DGKB: variants seen among roughly 807,000 people sequenced by gnomAD.
The protein encoded by DGKB is 90 kDa diacylglycerol kinase.
Under a neutral mutation model 114.3 loss-of-function variants are expected in DGKB, and 67 were observed. The observed-to-expected ratio is 0.59, with a 90% confidence interval of 0.48 to 0.72. The LOEUF (loss-of-function observed/expected upper bound fraction) is 0.72, where lower values mean the gene tolerates loss of function less well. DGKB is among the 30% of genes least tolerant of loss of function. The pLI, the probability that DGKB is intolerant of heterozygous loss-of-function variation, is 0.00. For synonymous variants in DGKB, 398 were observed against 323.1 expected (o/e 1.23, Z -2.49); for missense variants, 907 against 975.2 (o/e 0.93, Z 0.93).
At chr7:14,819,744 T>C (rs1348160466) in intron 2 of DGKB, among the ~76,000 whole-genome samples, 1 of 152,174 alleles carries the variant, frequency 6.6e-6, no homozygotes, top group African/African-American at 2.4e-5. Flanking sequence ...AGAGTTAAAA[T>C]TTAAATCTAG....
chr7:14,632,978 G>C (rs1810035549), intron 13 of DGKB, among the ~76,000 whole-genome samples: 1 of 151,798 alleles, frequency 6.6e-6, no homozygotes, highest in South Asian at 2.1e-4. Context: ...TGTTGCAAAG[G>C]TAAAGACTGT....
intron 23 of DGKB, among the ~76,000 whole-genome samples, chr7:14,275,785 A>T (rs1798903555): frequency 6.6e-6 from 1 of 152,220 alleles, no homozygotes; most frequent in Admixed American, 6.5e-5. Context: ...GTTTGGAAAC[A>T]TCTCTAAAAC....
chr7:14,498,802 G>T (rs186689371), intron 20 of DGKB, among the ~76,000 whole-genome samples: 1 of 151,696 alleles, frequency 6.6e-6, no homozygotes, highest in Non-Finnish European at 1.5e-5. Context: ...ACCTTATACA[G>T]CAATATAGTT....
Position 14,328,535 on chromosome 7 carries a change from C to A in DGKB, c.2122+9980G>T, listed in dbSNP as rs536114389. Among the ~76,000 whole-genome samples, 10 of 152,068 alleles carry A rather than the reference C, an allele frequency of 6.6e-5. 1 individual carries two copies. The South Asian group carries it at 2.1e-3, about 32-fold the overall frequency. ...TGTTCAAAGATACATTTTCTTTCTG[C>A]CAATCTGTGAAATATAATATAATTA... On this transcript the variant is annotated intron_variant, in intron 23 of 25. Coordinates refer to ENST00000402815, the MANE Select transcript of DGKB (RefSeq NM_001350709.2).
intron 13 of DGKB, among the ~76,000 whole-genome samples, chr7:14,652,553 G>T: frequency 6.6e-6 from 1 of 152,016 alleles, no homozygotes; most frequent in Non-Finnish European, 1.5e-5. Flanking sequence ...AACCCTAGAA[G>T]AAAACCTAGG....
At chr7:14,920,184 T>C (rs566965789) in intron 1 of DGKB, among the ~76,000 whole-genome samples, 1 of 152,294 alleles carries the variant, frequency 6.6e-6, no homozygotes, top group Non-Finnish European at 1.5e-5. Flanking sequence ...TTAAAACTTA[T>C]GTGCAAAAGA....
At position 14,170,147 on chromosome 7, in the gene DGKB, AAGAAAG is replaced by A. The variant is rs1345683393; in HGVS notation, c.2304+6686_2304+6691del. Among the ~76,000 whole-genome samples, 92 of 37,284 alleles carry A rather than the reference AAGAAAG, an allele frequency of 2.5e-3. 3 individuals are homozygous for A. The highest frequency in any genetic ancestry group is 0.024 in the African/African-American group (83 of 3,474). 24.5% of individuals were successfully genotyped at this position (37,284 alleles called of 152,430 possible). On this transcript the variant is annotated intron_variant, in intron 25 of 25. Coordinates refer to ENST00000402815, the MANE Select transcript of DGKB (RefSeq NM_001350709.2). The stretch of plus-strand genomic sequence containing the variant: ...GAAACTCCATCTCAAAAAAAAAAAA[AAGAAAG>A]AAAGAAAGAAAGAAAGAAAGAAAGA...
At chr7:14,586,295 A>G (rs1800749926) in intron 17 of DGKB, among the ~76,000 whole-genome samples, 1 of 152,158 alleles carries the variant, frequency 6.6e-6, no homozygotes, top group Non-Finnish European at 1.5e-5. Flanking sequence ...CAGAAGATCA[A>G]AGGAGCCACA....
chr7:14,234,619 TAAC>T (rs1792476543), intron 23 of DGKB, among the ~76,000 whole-genome samples: 3 of 152,062 alleles, frequency 2.0e-5, no homozygotes, highest in Admixed American at 1.3e-4. Context: ...TGAATCCAAA[TAAC>T]AAAAAATCAT....
chr7:14,561,978 C>A (rs1481626824), intron 20 of DGKB, among the ~76,000 whole-genome samples: 1 of 152,088 alleles, frequency 6.6e-6, no homozygotes, highest in Non-Finnish European at 1.5e-5. Flanking sequence ...GCCTGGGGGC[C>A]TTGGAGGAAA....
chr7:14,750,518 T>C (rs1282079786), intron 4 of DGKB, among the ~76,000 whole-genome samples: 4 of 152,156 alleles, frequency 2.6e-5, no homozygotes, highest in African/African-American at 7.2e-5. Context: ...TCCATTCTGA[T>C]GCCCATTGTC....
At chr7:14,822,442 G>A (rs1845074446) in intron 2 of DGKB, among the ~76,000 whole-genome samples, 1 of 152,116 alleles carries the variant, frequency 6.6e-6, no homozygotes, top group Non-Finnish European at 1.5e-5. Flanking sequence ...ATCTAGAAGC[G>A]AGACAGTTGA....
At position 14,368,798 on chromosome 7, in the gene DGKB, G is replaced by A. The variant is rs1194815009; in HGVS notation, c.1836-23407C>T. Among the ~76,000 whole-genome samples, 6 of 152,064 alleles carry A rather than the reference G, an allele frequency of 3.9e-5. 1 individual carries two copies. The highest frequency in any genetic ancestry group is 3.9e-4 in the Admixed American group (6 of 15,252). On this transcript the variant is annotated intron_variant, in intron 21 of 25. Coordinates refer to ENST00000402815, the MANE Select transcript of DGKB (RefSeq NM_001350709.2). ...TTAGATACGCAAGATAATTTATTAG[G>A]GAAAACGCTTGTGAGGGAAAAGTAG...
At chr7:14,308,701 T>C (rs1050932261) in intron 23 of DGKB, among the ~76,000 whole-genome samples, 2 of 152,164 alleles carry the variant, frequency 1.3e-5, no homozygotes, top group African/African-American at 2.4e-5. Flanking sequence ...GTGGGCTATA[T>C]TGAGGACCTG....
intron 20 of DGKB, among the ~76,000 whole-genome samples, chr7:14,497,947 C>T (rs998342291): frequency 4.0e-5 from 6 of 151,740 alleles, no homozygotes; most frequent in Admixed American, 1.3e-4. Flanking sequence ...TCAAAGCATA[C>T]GTTTTGTTGT....
chr7:14,691,126 T>A (rs971798857), intron 9 of DGKB, among the ~76,000 whole-genome samples: 6 of 152,250 alleles, frequency 3.9e-5, no homozygotes, highest in African/African-American at 1.4e-4. Context: ...GTTTTTAAAC[T>A]GCTGTTGCTG....
intron 12 of DGKB, among the ~76,000 whole-genome samples, chr7:14,675,145 AT>A (rs376079106): frequency 2.3e-3 from 348 of 152,206 alleles, no homozygotes; most frequent in African/African-American, 7.4e-3. Flanking sequence ...ATAAAAACCT[AT>A]TTGTGTTTAC....
At chr7:14,225,848 T>C (rs2128331066) in intron 23 of DGKB, among the ~76,000 whole-genome samples, 1 of 152,104 alleles carries the variant, frequency 6.6e-6, no homozygotes, top group Admixed American at 6.6e-5. Flanking sequence ...AAATGTGCTA[T>C]TATTATATAA....
At chr7:14,881,738 G>A (rs557648566) in intron 1 of DGKB, among the ~76,000 whole-genome samples, 7 of 152,104 alleles carry the variant, frequency 4.6e-5, no homozygotes, top group African/African-American at 7.2e-5. Flanking sequence ...TTTAAGAGCC[G>A]TAGTTAACCT....
Sources: gnomAD v4.1 joint callset for allele counts (sites outside exome capture counted in the v4.1 genomes callset) on GRCh38, gnomAD v4.1.1 for gene constraint, MANE v1.5 for transcripts, NCBI Gene and HGNC (gene_info 2026-07-23, HGNC 2026-07-21) for gene names.